TAS2R1: variants seen among roughly 807,000 people sequenced by gnomAD.
TAS2R1 encodes taste 2 receptor member 1.
For missense variants in TAS2R1, 370 were observed against 353.4 expected (o/e 1.05, Z -0.38); for synonymous variants, 141 against 134.2 (o/e 1.05, Z -0.35).
At chr5:9,753,462 A>G in the TAS2R1 span, among the ~76,000 whole-genome samples, 1 of 152,060 alleles carries the variant, frequency 6.6e-6, no homozygotes, top group African/African-American at 2.4e-5. Context: ...TTGTCAGATG[A>G]GTAGATTGCA....
At chr5:9,824,732 A>T in the TAS2R1 span, among the ~76,000 whole-genome samples, 10 of 151,928 alleles carry the variant, frequency 6.6e-5, no homozygotes, top group Non-Finnish European at 1.0e-4. Flanking sequence ...CTGTAATCCC[A>T]GCTACTCAGG....
chr5:9,680,910 A>T (rs540847622), intron 1 of TAS2R1, among the ~76,000 whole-genome samples: 44 of 152,024 alleles, frequency 2.9e-4, no homozygotes, highest in Non-Finnish European at 5.7e-4. Context: ...AAAAAATAAA[A>T]AAATTAGCCA....
the TAS2R1 span, among the ~76,000 whole-genome samples, chr5:9,831,121 ATAATTATAAC>A: frequency 6.6e-6 from 1 of 152,230 alleles, no homozygotes; most frequent in Non-Finnish European, 1.5e-5. Context: ...CAAGCATAAT[ATAATTATAAC>A]TTCTGGAGAG....
At chr5:9,692,266 G>T (rs1741261647) in intron 1 of TAS2R1, among the ~76,000 whole-genome samples, 1 of 152,198 alleles carries the variant, frequency 6.6e-6, no homozygotes, top group Admixed American at 6.5e-5. Flanking sequence ...ACATAGGACT[G>T]CCTGAGGGAT....
intron 1 of TAS2R1, among the ~76,000 whole-genome samples, chr5:9,700,120 T>C (rs1303073078): frequency 2.0e-5 from 3 of 152,192 alleles, no homozygotes; most frequent in Non-Finnish European, 4.4e-5. Context: ...AGCTAATCCA[T>C]AGAATCCTGA....
chr5:9,760,208 C>T, the TAS2R1 span, among the ~76,000 whole-genome samples: 1 of 152,218 alleles, frequency 6.6e-6, no homozygotes, highest in East Asian at 1.9e-4. Flanking sequence ...CAAGTAATAA[C>T]CTTACAAAAC....
At chr5:9,802,165 CAA>C in the TAS2R1 span, among the ~76,000 whole-genome samples, 1 of 152,196 alleles carries the variant, frequency 6.6e-6, no homozygotes. Flanking sequence ...AGGACCCTCA[CAA>C]AGTCTACTTT....
chr5:9,843,478 C>A, the TAS2R1 span, among the ~76,000 whole-genome samples: 2 of 152,182 alleles, frequency 1.3e-5, no homozygotes, highest in African/African-American at 4.8e-5. Context: ...ACGATTTTCA[C>A]TTTTAATCTG....
chr5:9,660,056 C>CTTTTTTTTTTTTTT (rs1171409076), intron 1 of TAS2R1: 10 of 123,116 alleles, frequency 8.1e-5, no homozygotes, highest in African/African-American at 2.8e-4. Flanking sequence ...TGAAATATTT[C>CTTTTTTTTTTTTTT]TTTTTTTTTT....
At chr5:9,892,819 C>CA in the TAS2R1 span, among the ~76,000 whole-genome samples, 7 of 151,914 alleles carry the variant, frequency 4.6e-5, no homozygotes, top group South Asian at 2.1e-4. Context: ...TCAAAACAAA[C>CA]AAAAAAACAA....
chr5:9,646,202 A>G (rs903489924), intron 2 of TAS2R1, among the ~76,000 whole-genome samples: 2 of 152,094 alleles, frequency 1.3e-5, no homozygotes, highest in African/African-American at 4.8e-5. Context: ...ATAAAATACA[A>G]ATTTCTTTTC....
At chr5:9,638,886 T>C (rs1000911260) in intron 2 of TAS2R1, among the ~76,000 whole-genome samples, 1 of 152,092 alleles carries the variant, frequency 6.6e-6, no homozygotes, top group African/African-American at 2.4e-5. Context: ...TATCATATAG[T>C]TCACCAGGGA....
intron 1 of TAS2R1, among the ~76,000 whole-genome samples, chr5:9,696,915 A>G (rs568501117): frequency 2.6e-5 from 4 of 152,330 alleles, no homozygotes; most frequent in African/African-American, 9.6e-5. Flanking sequence ...TGGGAGGCTG[A>G]GGCAGGAGAA....
At chr5:9,708,390 A>G (rs757952279) in intron 1 of TAS2R1, among the ~76,000 whole-genome samples, 3 of 152,236 alleles carry the variant, frequency 2.0e-5, no homozygotes. Context: ...AAACGGAGAT[A>G]CCATTTTCTT....
chr5:9,680,827 C>T (rs759320381), intron 1 of TAS2R1, among the ~76,000 whole-genome samples: 7 of 151,844 alleles, frequency 4.6e-5, no homozygotes, highest in Non-Finnish European at 7.4e-5. Context: ...CCAAGGTGGG[C>T]GGATCACTTG....
intron 1 of TAS2R1, among the ~76,000 whole-genome samples, chr5:9,661,429 T>C (rs41499): frequency 0.45 from 69,161 of 152,028 alleles, 16,644 homozygotes; most frequent in Non-Finnish European, 0.54. Context: ...CATGCTCTCT[T>C]TTCTGACATT....
chr5:9,830,483 T>C, the TAS2R1 span, among the ~76,000 whole-genome samples: 1 of 151,286 alleles, frequency 6.6e-6, no homozygotes, highest in Non-Finnish European at 1.5e-5. Flanking sequence ...CACAGAAAAA[T>C]AGATGACAGA....
At chr5:9,852,280 T>C in the TAS2R1 span, among the ~76,000 whole-genome samples, 1 of 148,966 alleles carries the variant, frequency 6.7e-6, no homozygotes, top group Non-Finnish European at 1.5e-5. Flanking sequence ...CCACTAGTTG[T>C]TTTTTTTTTC....
intron 1 of TAS2R1, among the ~76,000 whole-genome samples, chr5:9,688,598 C>T (rs572134816): frequency 2.0e-5 from 3 of 152,244 alleles, no homozygotes; most frequent in South Asian, 2.1e-4. Flanking sequence ...ACAGCTTAGA[C>T]CCTCTTTTTC....
Sources: allele counts gnomAD v4.1 joint callset (sites outside exome capture counted in the v4.1 genomes callset), GRCh38; gene constraint gnomAD v4.1.1; transcripts MANE v1.5; gene names NCBI Gene and HGNC (gene_info 2026-07-23, HGNC 2026-07-21).